Variants in SPAG16 observed in about 807,000 individuals in gnomAD.
The protein encoded by SPAG16 is sperm associated antigen 16.
Under a neutral mutation model 80.4 loss-of-function variants are expected in SPAG16, and 86 were observed. That is an observed-to-expected ratio of 1.07 (90% CI 0.90 to 1.28). The LOEUF (loss-of-function observed/expected upper bound fraction) is 1.28. SPAG16 is among the 50% of genes most tolerant of loss of function. The pLI, the probability that SPAG16 is intolerant of heterozygous loss-of-function variation, is 0.00. For missense variants in SPAG16, 870 were observed against 765.3 expected (o/e 1.14, Z -1.61); for synonymous variants, 294 against 265.9 (o/e 1.11, Z -1.03).
chr2:213,346,560 A>G (rs1363015108), intron 6 of SPAG16, among the ~76,000 whole-genome samples: 6 of 152,192 alleles, frequency 3.9e-5, no homozygotes, highest in Non-Finnish European at 8.8e-5. Context: ...CGTCCCATCA[A>G]TACCTCATTT....
At chr2:214,047,919 C>A (rs560181605) in intron 13 of SPAG16, among the ~76,000 whole-genome samples, 1 of 152,206 alleles carries the variant, frequency 6.6e-6, no homozygotes, top group African/African-American at 2.4e-5. Flanking sequence ...ATACAGATGG[C>A]AAACAGGTAT....
At chr2:214,286,476 G>C (rs974275374) in intron 15 of SPAG16, among the ~76,000 whole-genome samples, 3 of 152,124 alleles carry the variant, frequency 2.0e-5, no homozygotes, top group Admixed American at 2.0e-4. Flanking sequence ...GCTGGGCGTG[G>C]TGGCTCACAC....
At chr2:213,823,308 A>G (rs1246773129) in intron 10 of SPAG16, among the ~76,000 whole-genome samples, 2 of 151,998 alleles carry the variant, frequency 1.3e-5, no homozygotes, top group Admixed American at 1.3e-4. Flanking sequence ...TTTGATTTGC[A>G]TTTCTCTGAT....
intron 10 of SPAG16, among the ~76,000 whole-genome samples, chr2:213,696,984 G>A (rs111857429): frequency 1.3e-5 from 2 of 152,322 alleles, no homozygotes; most frequent in African/African-American, 2.4e-5. Flanking sequence ...AATTGATGAT[G>A]TAGGAGGAAG....
At chr2:214,279,544 A>G (rs1452819199) in intron 15 of SPAG16, among the ~76,000 whole-genome samples, 1 of 152,182 alleles carries the variant, frequency 6.6e-6, no homozygotes, top group Non-Finnish European at 1.5e-5. Flanking sequence ...TGAAAATGAG[A>G]GCACAGGGAC....
intron 10 of SPAG16, among the ~76,000 whole-genome samples, chr2:213,760,042 GAAAA>G (rs576176598): frequency 6.9e-6 from 1 of 144,388 alleles, no homozygotes; most frequent in Non-Finnish European, 1.5e-5. Flanking sequence ...CTCAAAAAAA[GAAAA>G]AAAAAAGAAT....
chr2:214,031,252 G>A (rs1332259471), intron 13 of SPAG16, among the ~76,000 whole-genome samples: 1 of 151,650 alleles, frequency 6.6e-6, no homozygotes, highest in Non-Finnish European at 1.5e-5. Context: ...GGAATACTAT[G>A]CAGCCATAAA....
intron 6 of SPAG16, among the ~76,000 whole-genome samples, chr2:213,348,526 T>G (rs1316475778): frequency 1.3e-5 from 2 of 152,202 alleles, no homozygotes; most frequent in Non-Finnish European, 2.9e-5. Flanking sequence ...CGGTTGTTCC[T>G]TTCCATGTTT....
In SPAG16 at chr2:214,102,873, T is replaced by C. The variant is rs2053149193; in HGVS notation, c.1528-5323T>C. On this transcript the variant is annotated intron_variant, in intron 13 of 15. Transcript: ENST00000331683. ...AAGGAAAATTCGTTTGGAAGAGACCTAAGCGGGCTCATGAAGGATCAAGGG... is the reference window on the plus strand; with the variant it reads ...AAGGAAAATTCGTTTGGAAGAGACCCAAGCGGGCTCATGAAGGATCAAGGG... Among the ~76,000 whole-genome samples, 6 of 152,100 alleles carry C rather than the reference T, an allele frequency of 3.9e-5. No homozygotes were observed. In the South Asian group the frequency reaches 1.2e-3, roughly 31 times the overall value.
intron 13 of SPAG16, among the ~76,000 whole-genome samples, chr2:214,102,447 G>C (rs2053116396): frequency 6.6e-6 from 1 of 151,984 alleles, no homozygotes; most frequent in South Asian, 2.1e-4. Context: ...CTCATTCATG[G>C]ACTACCCAAT....
chr2:214,233,754 A>C (rs1350743092), intron 15 of SPAG16, among the ~76,000 whole-genome samples: 1 of 152,132 alleles, frequency 6.6e-6, no homozygotes, highest in Non-Finnish European at 1.5e-5. Context: ...TTTCATCTGC[A>C]TCTTTCTCCC....
chr2:214,169,258 A>G (rs1340159129), intron 15 of SPAG16, among the ~76,000 whole-genome samples: 1 of 152,136 alleles, frequency 6.6e-6, no homozygotes, highest in African/African-American at 2.4e-5. Context: ...TAACCAATAT[A>G]ATTTAATTTT....
chr2:213,873,334 C>A (rs935841590), intron 11 of SPAG16, among the ~76,000 whole-genome samples: 2 of 151,758 alleles, frequency 1.3e-5, no homozygotes, highest in Non-Finnish European at 2.9e-5. Context: ...CTTTATAATT[C>A]TGTAAATCTG....
chr2:213,364,222 A>G, intron 8 of SPAG16, 77 bp downstream of exon 8: 1 of 856,876 alleles, frequency 1.2e-6, no homozygotes, highest in Non-Finnish European at 1.7e-6. Flanking sequence ...TTAATATTCT[A>G]GAGATATTTA....
intron 12 of SPAG16, among the ~76,000 whole-genome samples, chr2:213,989,151 G>A (rs2046161577): frequency 6.6e-6 from 1 of 152,130 alleles, no homozygotes; most frequent in Admixed American, 6.6e-5. Context: ...GATTGAGACT[G>A]CTAGGACAAT....
chr2:214,149,785 A>C (rs940417019), intron 15 of SPAG16, among the ~76,000 whole-genome samples: 1 of 152,058 alleles, frequency 6.6e-6, no homozygotes, highest in African/African-American at 2.4e-5. Flanking sequence ...ATGTTATTAT[A>C]TTTAGTTTTT....
At chr2:213,695,555 G>T (rs1230893548) in intron 10 of SPAG16, among the ~76,000 whole-genome samples, 4 of 152,150 alleles carry the variant, frequency 2.6e-5, no homozygotes, top group Admixed American at 2.6e-4. Flanking sequence ...AAAAATATTA[G>T]TTTCAGCTAG....
intron 15 of SPAG16, among the ~76,000 whole-genome samples, chr2:214,227,529 C>T (rs1399787825): frequency 6.6e-6 from 1 of 151,886 alleles, no homozygotes; most frequent in Non-Finnish European, 1.5e-5. Flanking sequence ...TATTCTGTAT[C>T]CTGATGCCTC....
chr2:214,319,200 C>CCACACACACA (rs61711759), intron 15 of SPAG16, among the ~76,000 whole-genome samples: 3,376 of 142,302 alleles, frequency 0.024, 75 homozygotes, highest in African/African-American at 0.048. Context: ...CACACACACA[C>CCACACACACA]CACACACACA....
Sources: allele counts gnomAD v4.1 joint callset (sites outside exome capture counted in the v4.1 genomes callset), GRCh38; gene constraint gnomAD v4.1.1; transcripts MANE v1.5; gene names NCBI Gene and HGNC (gene_info 2026-07-23, HGNC 2026-07-21).